The following SCN11A variants were observed in gnomAD, a reference collection of about 807,000 sequenced individuals.
SCN11A encodes the protein sodium channel protein type 11 subunit alpha.
SCN11A carries 122 observed loss-of-function variants against 162.2 expected under a neutral mutation model. That is an observed-to-expected ratio of 0.75 (90% CI 0.65 to 0.87). The LOEUF (loss-of-function observed/expected upper bound fraction) is 0.87. Ranked by LOEUF, SCN11A falls within the 40% of genes least tolerant of loss-of-function variation. SCN11A has a pLI of 0.00. For synonymous variants in SCN11A, 758 were observed against 751.5 expected (o/e 1.01, Z -0.14); for missense variants, 2,015 against 2,181.6 (o/e 0.92, Z 1.52).
intron 7 of SCN11A, among the ~76,000 whole-genome samples, chr3:38,932,285 G>A (rs183023356): frequency 1.2e-3 from 183 of 152,338 alleles, no homozygotes; most frequent in Admixed American, 2.7e-3. Context: ...AGCTCCCAGC[G>A]TGAGCGACGC....
intron 2 of SCN11A, among the ~76,000 whole-genome samples, chr3:39,029,307 A>G (rs545139818): frequency 6.6e-6 from 1 of 152,216 alleles, no homozygotes; most frequent in African/African-American, 2.4e-5. Context: ...CTATATAAAT[A>G]TGTATTTTCT....
intron 9 of SCN11A, among the ~76,000 whole-genome samples, chr3:38,922,933 G>C (rs576489736): frequency 6.6e-6 from 1 of 152,236 alleles, no homozygotes; most frequent in Admixed American, 6.5e-5. Flanking sequence ...AAGAAGGGAA[G>C]GGGAGAAGGT....
chr3:38,856,399 A>G (rs77657897), intron 28 of SCN11A, among the ~76,000 whole-genome samples: 1 of 152,170 alleles, frequency 6.6e-6, no homozygotes, highest in South Asian at 2.1e-4. Flanking sequence ...TGGAACATCA[A>G]CATTCCTACA....
chr3:39,042,469 C>G (rs980037082), intron 1 of SCN11A, among the ~76,000 whole-genome samples: 1 of 152,000 alleles, frequency 6.6e-6, no homozygotes, highest in Non-Finnish European at 1.5e-5. Flanking sequence ...CACAAGCAAC[C>G]AAAGCAAAAA....
chr3:39,018,782 C>T (rs886245212), intron 2 of SCN11A, among the ~76,000 whole-genome samples: 6 of 152,134 alleles, frequency 3.9e-5, no homozygotes, highest in Non-Finnish European at 7.3e-5. Context: ...GGCGCCACTG[C>T]ACTCCAGCCT....
intron 5 of SCN11A, among the ~76,000 whole-genome samples, chr3:38,947,183 A>G (rs1192798327): frequency 6.6e-6 from 1 of 152,236 alleles, no homozygotes; most frequent in Non-Finnish European, 1.5e-5. Flanking sequence ...GAAAGGGACT[A>G]GAAGAGAACT....
chr3:38,963,748 T>C (rs1015438346), intron 2 of SCN11A, among the ~76,000 whole-genome samples: 3 of 151,700 alleles, frequency 2.0e-5, no homozygotes, highest in Admixed American at 2.0e-4. Context: ...AGGCAAGGGA[T>C]TAAAAAACTA....
Position 38,921,068 on chromosome 3 carries a change from G to T in SCN11A, c.892+8C>A. 3 of 1,613,220 alleles carry T rather than the reference G, an allele frequency of 1.9e-6. No individual in the cohort carries two copies. Among genetic ancestry groups the T allele is most frequent in the Non-Finnish European group, 1.7e-6 (2 of 1,179,266 alleles). On this transcript the variant is annotated splice_region_variant and intron_variant, in intron 10 of 29. Coordinates refer to ENST00000302328, the MANE Select transcript of SCN11A (RefSeq NM_001349253.2). ...AACCAAGGAGTGAAAGAAAGGTTGGGTATTTACCATAAGCTTCCGGGTTAC... is the reference window on the plus strand; with the variant it reads ...AACCAAGGAGTGAAAGAAAGGTTGGTTATTTACCATAAGCTTCCGGGTTAC...
At chr3:38,929,135 GCACACACACACACACA>G (rs748169973) in intron 7 of SCN11A, among the ~76,000 whole-genome samples, 1 of 66,604 alleles carries the variant, frequency 1.5e-5, no homozygotes, top group Non-Finnish European at 3.2e-5. Context: ...GTCTGTGCAC[GCACACACACACACACA>G]CACACACACA....
At chr3:39,016,157 G>A (rs1380486380) in intron 2 of SCN11A, among the ~76,000 whole-genome samples, 1 of 152,194 alleles carries the variant, frequency 6.6e-6, no homozygotes, top group Non-Finnish European at 1.5e-5. Flanking sequence ...GATCCCACAG[G>A]GAACTTTGAA....
intron 2 of SCN11A, among the ~76,000 whole-genome samples, chr3:38,963,428 T>TATATATATATATATATGATGGAG (rs1559558365): frequency 4.3e-4 from 32 of 74,986 alleles, no homozygotes; most frequent in Non-Finnish European, 6.4e-4. Context: ...GATGGAGATA[T>TATATATATATATATATGATGGAG]ATATATATAT....
intron 7 of SCN11A, among the ~76,000 whole-genome samples, chr3:38,938,552 T>TATA (rs1559545243): frequency 2.4e-4 from 4 of 16,442 alleles, no homozygotes; most frequent in Non-Finnish European, 4.0e-4. Flanking sequence ...ATATATATAT[T>TATA]TTTTTTTTTT....
chr3:38,919,807 G>C, intron 11 of SCN11A, 128 bp downstream of exon 11: 2 of 726,998 alleles, frequency 2.8e-6, no homozygotes, highest in Middle Eastern at 4.7e-4. Flanking sequence ...AACATGTTTA[G>C]ACACATGAAA....
Position 38,959,571 on chromosome 3 carries a change from G to A in SCN11A, c.-139+712C>T, listed in dbSNP as rs550758793. ...CTCCTCATTCACATGTCAGTCCTAC[G>A]GGCATTCCACTGGCCTCACCATGAC... On this transcript the variant is annotated intron_variant, in intron 3 of 29. Transcript: ENST00000302328. Among the ~76,000 whole-genome samples, 20 of 152,182 alleles carry A rather than the reference G, an allele frequency of 1.3e-4. No homozygotes were observed. The East Asian group carries it at 2.3e-3, about 18-fold the overall frequency.
intron 2 of SCN11A, among the ~76,000 whole-genome samples, chr3:39,024,127 T>A (rs2031525018): frequency 6.6e-6 from 1 of 152,210 alleles, no homozygotes; most frequent in Non-Finnish European, 1.5e-5. Context: ...GAGAAGAACA[T>A]AACAGATTCA....
At position 38,872,242 on chromosome 3, in the gene SCN11A, A is replaced by C; in HGVS notation, c.3446T>G (p.Leu1149Arg). ...CGCACGAAGAGGCCTCAGTGCTCGTAGAGTCCGGAAGGACTTCAATTCCAT... is the reference window on the plus strand; with the variant it reads ...CGCACGAAGAGGCCTCAGTGCTCGTCGAGTCCGGAAGGACTTCAATTCCAT... ...NLMELKSFRTLRALRPLRALS... is the reference protein window; with the variant it reads ...NLMELKSFRTRRALRPLRALS... Residue 1149 changes from leucine to arginine, a missense_variant, in exon 24 of 30, where the codon CTA (leucine) becomes CGA (arginine). Physicochemically the swap from Leu to Arg is moderately radical, Grantham distance 102. Transcript: ENST00000302328. 1.9e-6 allele frequency: 3 copies of C among 1,611,566 alleles called. No homozygotes were observed. The highest frequency in any genetic ancestry group is 2.5e-6 in the Non-Finnish European group (3 of 1,177,826).
chr3:39,019,455 C>T (rs1170508683), intron 2 of SCN11A, among the ~76,000 whole-genome samples: 1 of 152,182 alleles, frequency 6.6e-6, no homozygotes, highest in Non-Finnish European at 1.5e-5. Flanking sequence ...AACTCTGTCT[C>T]CTGTGTGACG....
chr3:39,013,070 G>C (rs559305079), intron 2 of SCN11A, among the ~76,000 whole-genome samples: 1 of 151,974 alleles, frequency 6.6e-6, no homozygotes, highest in South Asian at 2.1e-4. Flanking sequence ...GCTATTAGAG[G>C]TTCCTGAAAA....
In SCN11A at chr3:38,895,845, C is replaced by T. The variant is rs191866274; in HGVS notation, c.2404-881G>A. ...CTCCTCCCACTCCCACTGGTGATGC[C>T]CTGTTCTTCTGAGCTTTTGTATGTA... On this transcript the variant is annotated intron_variant, in intron 18 of 29. Transcript: ENST00000302328. 8.5e-5 allele frequency among the ~76,000 whole-genome samples: 13 copies of T among 152,192 alleles called. No individual in the cohort carries two copies. The East Asian group carries it at 2.5e-3, about 29-fold the overall frequency.
Sources: gnomAD v4.1 joint callset for allele counts (sites outside exome capture counted in the v4.1 genomes callset) on GRCh38, gnomAD v4.1.1 for gene constraint, MANE v1.5 for transcripts, NCBI Gene and HGNC (gene_info 2026-07-23, HGNC 2026-07-21) for gene names.